Variants in ZFAND3 observed in about 807,000 individuals in gnomAD.
ZFAND3 encodes the protein AN1-type zinc finger protein 3.
A neutral mutation model predicts 29.6 loss-of-function variants in ZFAND3; 10 were observed. The ratio of observed to expected loss-of-function variants is 0.34; its 90% CI spans 0.21 to 0.57. The LOEUF (loss-of-function observed/expected upper bound fraction) is 0.57. ZFAND3 is among the 20% of genes least tolerant of loss of function. The pLI is 0.86. For synonymous variants in ZFAND3, 128 were observed against 112.6 expected, an observed-to-expected ratio of 1.14 and a Z score of -0.87; for missense variants, 230 against 304.5, an observed-to-expected ratio of 0.76 and a Z score of 1.82.
At chr6:37,966,734 T>A (rs1212520716) in intron 2 of ZFAND3, among the ~76,000 whole-genome samples, 1 of 152,108 alleles carries the variant, frequency 6.6e-6, no homozygotes, top group Non-Finnish European at 1.5e-5. Flanking sequence ...AAACAAAATG[T>A]CCAAAACCAG....
chr6:37,959,593 A>G (rs1027202025), intron 2 of ZFAND3, among the ~76,000 whole-genome samples: 1 of 152,190 alleles, frequency 6.6e-6, no homozygotes, highest in African/African-American at 2.4e-5. Context: ...TTTCACATAA[A>G]TTGTCAAATA....
At chr6:37,896,532 T>TTC (rs1261737930) in intron 1 of ZFAND3, among the ~76,000 whole-genome samples, 1 of 119,886 alleles carries the variant, frequency 8.3e-6, no homozygotes, top group Non-Finnish European at 1.7e-5. Context: ...CTTTCTTTCT[T>TTC]TCTTTCTTTC....
At chr6:37,997,844 G>T (rs1762877829) in intron 2 of ZFAND3, among the ~76,000 whole-genome samples, 1 of 152,184 alleles carries the variant, frequency 6.6e-6, no homozygotes, top group African/African-American at 2.4e-5. Context: ...TTAAAATTGT[G>T]CTAGAGAAAT....
intron 2 of ZFAND3, among the ~76,000 whole-genome samples, chr6:38,034,813 T>G (rs1308648270): frequency 6.6e-6 from 1 of 152,168 alleles, no homozygotes; most frequent in East Asian, 1.9e-4. Context: ...CCTTTTTGAT[T>G]AATACTTCAA....
chr6:37,867,374 G>T (rs1764608649), intron 1 of ZFAND3, among the ~76,000 whole-genome samples: 1 of 152,228 alleles, frequency 6.6e-6, no homozygotes, highest in South Asian at 2.1e-4. Flanking sequence ...TGGTTTCTCT[G>T]TTAAGGAGCT....
chr6:38,083,842 G>A (rs554951834), intron 4 of ZFAND3, among the ~76,000 whole-genome samples: 1 of 151,760 alleles, frequency 6.6e-6, no homozygotes, highest in African/African-American at 2.4e-5. Context: ...AGGTAGATCT[G>A]TTTCCTCCTC....
intron 2 of ZFAND3, among the ~76,000 whole-genome samples, chr6:37,991,059 C>A (rs1762750392): frequency 2.0e-5 from 3 of 151,892 alleles, no homozygotes; most frequent in African/African-American, 7.2e-5. Flanking sequence ...AACCCAATGT[C>A]CTTTGAAAGA....
At position 38,041,700 on chromosome 6, in the gene ZFAND3, C is replaced by CTT. The variant is rs1763776281; in HGVS notation, c.113-19892_113-19891insTT. 8.7e-3 allele frequency among the ~76,000 whole-genome samples: 2 copies of CTT among 230 alleles called. 1 individual carries two copies. The highest frequency in any genetic ancestry group is 0.038 in the Non-Finnish European group (2 of 52). The allele number at this position is 230 out of a possible 152,430, so 0.2% of individuals were successfully genotyped here. A position where few individuals can be genotyped will look rare whatever the true frequency, so the allele number is the denominator to read the frequency against. On this transcript the variant is annotated intron_variant, in intron 2 of 5. Transcript: ENST00000287218. ...TCTTCTTCTTCTCCTTCTCCTTCTC[C>CTT]TCCTCCTCCTCCTCCTCCTCCTCCT... is the stretch of plus-strand genomic sequence containing the variant.
chr6:37,838,403 G>A (rs1218070423), intron 1 of ZFAND3, among the ~76,000 whole-genome samples: 1 of 152,116 alleles, frequency 6.6e-6, no homozygotes, highest in Non-Finnish European at 1.5e-5. Context: ...CATCACTACT[G>A]TCTTAATTCC....
chr6:37,915,329 A>C (rs1761227309), intron 1 of ZFAND3, among the ~76,000 whole-genome samples: 2 of 152,206 alleles, frequency 1.3e-5, no homozygotes, highest in Non-Finnish European at 2.9e-5. Context: ...TCACTGGAGT[A>C]GGATTTTAAA....
chr6:38,129,511 A>G (rs1281726384), intron 5 of ZFAND3, among the ~76,000 whole-genome samples: 1 of 152,136 alleles, frequency 6.6e-6, no homozygotes, highest in African/African-American at 2.4e-5. Context: ...AAGGTGAGAG[A>G]TGGGGATCCA....
intron 5 of ZFAND3, among the ~76,000 whole-genome samples, chr6:38,128,530 A>G (rs1416700644): frequency 1.3e-5 from 2 of 151,960 alleles, no homozygotes; most frequent in Non-Finnish European, 2.9e-5. Context: ...TGTCATTCCT[A>G]TCCCTTTGCA....
intron 2 of ZFAND3, among the ~76,000 whole-genome samples, chr6:37,978,811 C>T (rs1762532189): frequency 6.6e-6 from 1 of 152,130 alleles, no homozygotes; most frequent in Non-Finnish European, 1.5e-5. Context: ...ATTACAGGCG[C>T]CGGCCACCAC....
intron 1 of ZFAND3, among the ~76,000 whole-genome samples, chr6:37,868,471 T>C (rs886081949): frequency 6.6e-6 from 1 of 152,076 alleles, no homozygotes; most frequent in Admixed American, 6.6e-5. Flanking sequence ...AGTGGGAATA[T>C]GGGGTACATA....
At chr6:38,064,788 T>G (rs368841350) in intron 3 of ZFAND3, among the ~76,000 whole-genome samples, 1 of 152,284 alleles carries the variant, frequency 6.6e-6, no homozygotes, top group Non-Finnish European at 1.5e-5. Flanking sequence ...CATTGTATGT[T>G]TCTCTTAGAC....
At chr6:38,061,492 A>G (rs948684899) in intron 2 of ZFAND3, 101 bp from the exon 3 acceptor site, 13 of 1,376,006 alleles carry the variant, frequency 9.4e-6, no homozygotes, top group Non-Finnish European at 1.3e-5. Flanking sequence ...AGTCTTTATT[A>G]TTGGTGTTGT....
chr6:37,896,558 C>CTTTCTTTCTTTCTTTCT (rs1554153854), intron 1 of ZFAND3, among the ~76,000 whole-genome samples: 36 of 138,326 alleles, frequency 2.6e-4, no homozygotes, highest in Admixed American at 8.8e-4. Context: ...TTCTTTCTTT[C>CTTTCTTTCTTTCTTTCT]TTTCTTTCTT....
chr6:37,937,008 C>A (rs2055205), intron 2 of ZFAND3, among the ~76,000 whole-genome samples: 45,834 of 152,012 alleles, frequency 0.3, 7,449 homozygotes, highest in East Asian at 0.57. Context: ...CCATTTCATA[C>A]CAAGTAAATT....
At chr6:37,913,448 T>C (rs11752521) in intron 1 of ZFAND3, among the ~76,000 whole-genome samples, 33,323 of 152,112 alleles carry the variant, frequency 0.22, 4,574 homozygotes, top group African/African-American at 0.38. Context: ...CAGTGATTCA[T>C]ATCTTCAGGC....
Sources: allele counts gnomAD v4.1 joint callset (sites outside exome capture counted in the v4.1 genomes callset), GRCh38; gene constraint gnomAD v4.1.1; transcripts MANE v1.5; gene names NCBI Gene and HGNC (gene_info 2026-07-23, HGNC 2026-07-21).